Variants in TMEM135 observed in about 807,000 individuals in gnomAD.
TMEM135 encodes transmembrane protein 135.
In TMEM135, 30 loss-of-function variants were observed where a neutral mutation model predicts 60.3. The observed-to-expected ratio is 0.50, with a 90% CI of 0.37 to 0.68. TMEM135 has a LOEUF of 0.68. TMEM135 is among the 30% of genes least tolerant of loss of function. The pLI is 0.00. For synonymous variants in TMEM135, 190 were observed against 186.7 expected, an observed-to-expected ratio of 1.02 and a Z score of -0.14; for missense variants, 468 against 548.8, an observed-to-expected ratio of 0.85 and a Z score of 1.47.
intron 1 of TMEM135, among the ~76,000 whole-genome samples, chr11:87,043,508 G>A (rs369023394): frequency 6.6e-6 from 1 of 151,668 alleles, no homozygotes; most frequent in African/African-American, 2.4e-5. Flanking sequence ...GGTGGATCAC[G>A]AGGTCAGGAA....
chr11:87,187,724 T>G (rs185458784), intron 5 of TMEM135, among the ~76,000 whole-genome samples: 1 of 152,346 alleles, frequency 6.6e-6, no homozygotes, highest in Non-Finnish European at 1.5e-5. Context: ...ACTTCAAATC[T>G]TAAAGATTGG....
intron 4 of TMEM135, among the ~76,000 whole-genome samples, chr11:87,130,299 T>C (rs1191810777): frequency 3.9e-5 from 6 of 152,142 alleles, no homozygotes; most frequent in African/African-American, 1.4e-4. Context: ...CTTTCATGCT[T>C]ATCAATAAAT....
intron 4 of TMEM135, among the ~76,000 whole-genome samples, chr11:87,113,378 G>C (rs868221484): frequency 2.0e-4 from 31 of 152,022 alleles, no homozygotes; most frequent in African/African-American, 6.3e-4. Flanking sequence ...GAATCTTTCA[G>C]CTCTGGCTTG....
In TMEM135 at chr11:87,289,108, A is replaced by G. The variant is rs532163579; in HGVS notation, c.510-6674A>G. Among the ~76,000 whole-genome samples the G allele has an allele frequency of 3.9e-5, 6 of 152,328 alleles. No homozygotes were observed. In the East Asian group the frequency reaches 5.8e-4, roughly 15 times the overall value. Reference sequence around the variant, plus strand: ...CAGACATGCAATGGAAAAAAATTCCATATTGTCTGCACCTTCTTCTGAGAC... The same window carrying G: ...CAGACATGCAATGGAAAAAAATTCCGTATTGTCTGCACCTTCTTCTGAGAC... On this transcript the variant is annotated intron_variant, in intron 6 of 14. Transcript: ENST00000305494.
At chr11:87,284,914 A>T (rs7111133) in intron 6 of TMEM135, among the ~76,000 whole-genome samples, 55,682 of 152,030 alleles carry the variant, frequency 0.37, 10,862 homozygotes, top group Non-Finnish European at 0.43. Context: ...AGTCCATTTT[A>T]TTATTCAAAC....
At chr11:87,053,175 GA>G (rs1359258795) in intron 1 of TMEM135, among the ~76,000 whole-genome samples, 1 of 77,192 alleles carries the variant, frequency 1.3e-5, no homozygotes, top group Admixed American at 2.0e-4. Context: ...GGGGTCGGGG[GA>G]GGGGGGAGGG....
At chr11:87,236,524 GTA>G in intron 5 of TMEM135, 112 bp from the exon 6 acceptor site, 2 of 876,814 alleles carry the variant, frequency 2.3e-6, no homozygotes, top group Non-Finnish European at 3.8e-6. Flanking sequence ...TGACTGGTTT[GTA>G]TATCCTTTTA....
chr11:87,157,202 T>C (rs1053879256), intron 4 of TMEM135, 139 bp from the exon 5 acceptor site: 2 of 751,970 alleles, frequency 2.7e-6, no homozygotes, highest in Non-Finnish European at 4.5e-6. Flanking sequence ...TATAGGCATA[T>C]ACAACTTATT....
chr11:87,086,376 C>T (rs901702661), intron 3 of TMEM135, among the ~76,000 whole-genome samples: 12 of 152,194 alleles, frequency 7.9e-5, no homozygotes, highest in Middle Eastern at 3.4e-3. Context: ...CTACGTGGCC[C>T]GCCTGTGTTA....
At position 87,321,965 on chromosome 11, in the gene TMEM135, A is replaced by G. The variant is rs1396176823; in HGVS notation, c.*632A>G. 1 of 454,316 alleles carries G rather than the reference A, an allele frequency of 2.2e-6. No individual in the cohort carries two copies. Among genetic ancestry groups the G allele is most frequent in the South Asian group, 1.6e-5 (1 of 64,472 alleles). The allele number at this position is 454,316 out of a possible 1,614,324, so 28.1% of individuals were successfully genotyped here. On this transcript the variant is annotated 3_prime_UTR_variant, in exon 15 of 15. Transcript: ENST00000305494. ...TATCCATGCTTTTTTTCAACTAATAACATCATCTCTCTTCATGACCAGTTA... is the reference window on the plus strand; with the variant it reads ...TATCCATGCTTTTTTTCAACTAATAGCATCATCTCTCTTCATGACCAGTTA...
chr11:87,154,635 C>G (rs758881351), intron 4 of TMEM135, among the ~76,000 whole-genome samples: 10 of 152,198 alleles, frequency 6.6e-5, no homozygotes, highest in Non-Finnish European at 1.5e-4. Flanking sequence ...CTTCTCAACA[C>G]TTGATATCTT....
intron 4 of TMEM135, among the ~76,000 whole-genome samples, chr11:87,092,983 G>C (rs759479192): frequency 2.0e-5 from 3 of 151,976 alleles, no homozygotes; most frequent in Non-Finnish European, 4.4e-5. Flanking sequence ...TTCATGGTTA[G>C]TTCTGGAATT....
At chr11:87,223,281 CA>C (rs1485072163) in intron 5 of TMEM135, among the ~76,000 whole-genome samples, 1 of 151,584 alleles carries the variant, frequency 6.6e-6, no homozygotes, top group African/African-American at 2.4e-5. Flanking sequence ...TCTCCTGCCT[CA>C]GCCTCCCGAG....
At chr11:87,319,224 C>A in intron 13 of TMEM135, 86 bp from the exon 14 acceptor site, 1 of 1,172,302 alleles carries the variant, frequency 8.5e-7, no homozygotes, top group Non-Finnish European at 1.3e-6. Context: ...TAGTTACCAA[C>A]TTAAACATCA....
At chr11:87,056,013 A>G (rs1949891155) in intron 1 of TMEM135, among the ~76,000 whole-genome samples, 1 of 152,156 alleles carries the variant, frequency 6.6e-6, no homozygotes, top group Non-Finnish European at 1.5e-5. Context: ...TCAAAGTCAG[A>G]AGGGGAACGC....
intron 3 of TMEM135, among the ~76,000 whole-genome samples, chr11:87,078,939 C>T (rs532936934): frequency 1.3e-5 from 2 of 151,912 alleles, no homozygotes; most frequent in South Asian, 2.1e-4. Flanking sequence ...TTTTTGGTGT[C>T]GTATTTAAGA....
chr11:87,059,272 A>G (rs1261966642), intron 1 of TMEM135, among the ~76,000 whole-genome samples: 1 of 150,850 alleles, frequency 6.6e-6, no homozygotes, highest in African/African-American at 2.4e-5. Flanking sequence ...TTGATTATGG[A>G]TGAATATCCT....
chr11:87,138,967 C>G (rs909703290), intron 4 of TMEM135, among the ~76,000 whole-genome samples: 2 of 152,144 alleles, frequency 1.3e-5, no homozygotes, highest in Admixed American at 1.3e-4. Context: ...AGCGTACCTA[C>G]GAGTATGACA....
chr11:87,039,074 G>T (rs916152292), intron 1 of TMEM135, among the ~76,000 whole-genome samples: 1 of 151,928 alleles, frequency 6.6e-6, no homozygotes, highest in Admixed American at 6.6e-5. Context: ...CATATTTTTT[G>T]TATGTCTTCT....
Sources: gnomAD v4.1 joint callset for allele counts (sites outside exome capture counted in the v4.1 genomes callset) on GRCh38, gnomAD v4.1.1 for gene constraint, MANE v1.5 for transcripts, NCBI Gene and HGNC (gene_info 2026-07-23, HGNC 2026-07-21) for gene names.